Variants in TANC1 observed in about 807,000 individuals in gnomAD.
TANC1 encodes the protein tetratricopeptide repeat, ankyrin repeat and coiled-coil containing 1, also known as protein TANC1.
A neutral mutation model predicts 149.7 loss-of-function variants in TANC1; 77 were observed. The observed-to-expected ratio is 0.51, with a 90% CI of 0.43 to 0.62. The LOEUF (loss-of-function observed/expected upper bound fraction) is 0.62, where lower values mean the gene tolerates loss of function less well. Ranked by LOEUF, TANC1 falls within the 20% of genes least tolerant of loss-of-function variation. The pLI is 0.00. For synonymous variants in TANC1, 854 were observed against 925.0 expected, an observed-to-expected ratio of 0.92 and a Z score of 1.39; for missense variants, 1,985 against 2,321.8, an observed-to-expected ratio of 0.85 and a Z score of 2.98.
intron 2 of TANC1, among the ~76,000 whole-genome samples, chr2:159,045,288 C>T (rs1386638086): frequency 6.6e-6 from 1 of 152,062 alleles, no homozygotes; most frequent in Non-Finnish European, 1.5e-5. Context: ...AAAAATTACC[C>T]GGGCATGGTG....
At chr2:159,098,761 G>A (rs1004393178) in intron 4 of TANC1, among the ~76,000 whole-genome samples, 1 of 151,980 alleles carries the variant, frequency 6.6e-6, no homozygotes, top group Non-Finnish European at 1.5e-5. Context: ...AGAACTTTGA[G>A]AGGTTATGAT....
chr2:159,202,697 A>G (rs911957011), intron 19 of TANC1, among the ~76,000 whole-genome samples: 24 of 152,276 alleles, frequency 1.6e-4, no homozygotes, highest in African/African-American at 5.5e-4. Flanking sequence ...TACCACCCTC[A>G]GGATGCCAAG....
chr2:158,998,909 G>T (rs956259827), intron 1 of TANC1, among the ~76,000 whole-genome samples: 6 of 152,172 alleles, frequency 3.9e-5, no homozygotes, highest in East Asian at 1.9e-4. Context: ...TTTAGCTCAG[G>T]AAGGGGTAGG....
At position 159,081,029 on chromosome 2, in the gene TANC1, T is replaced by G. The variant is rs1366027978; in HGVS notation, c.61+15058T>G. Among the ~76,000 whole-genome samples the G allele has an allele frequency of 2.6e-5, 4 of 152,290 alleles. No homozygotes were observed. In the South Asian group the frequency reaches 8.3e-4, roughly 32 times the overall value. ...ATGGTAGGCCAGGCCCAGCAAGCCA[T>G]GTCCCACCACATCCTCCTCTCAGGA... is the stretch of plus-strand genomic sequence containing the variant. On this transcript the variant is annotated intron_variant, in intron 3 of 26. Transcript: ENST00000263635.
At chr2:159,056,170 G>A in intron 2 of TANC1, 2 of 239,666 alleles carry the variant, frequency 8.3e-6, no homozygotes, top group Admixed American at 4.1e-5. Flanking sequence ...GATCCAGGAC[G>A]TCATAGATGG....
intron 2 of TANC1, among the ~76,000 whole-genome samples, chr2:159,037,898 A>G (rs547139243): frequency 1.3e-5 from 2 of 152,202 alleles, no homozygotes; most frequent in Non-Finnish European, 1.5e-5. Flanking sequence ...GAAGAAAGTC[A>G]TTGGTAGCTT....
chr2:159,109,488 T>C (rs1205464984), intron 4 of TANC1, among the ~76,000 whole-genome samples: 3 of 152,194 alleles, frequency 2.0e-5, no homozygotes, highest in Non-Finnish European at 2.9e-5. Flanking sequence ...TTAATGCCCT[T>C]ATATAAGAAG....
At chr2:159,106,005 C>G (rs2047144035) in intron 4 of TANC1, among the ~76,000 whole-genome samples, 1 of 151,456 alleles carries the variant, frequency 6.6e-6, no homozygotes. Context: ...CGTTTTCCAT[C>G]TAATTAGGTT....
chr2:158,982,846 A>G (rs1162674529), intron 1 of TANC1, among the ~76,000 whole-genome samples: 3 of 152,134 alleles, frequency 2.0e-5, no homozygotes, highest in Non-Finnish European at 2.9e-5. Flanking sequence ...CTGGTCTCGA[A>G]TGCCTGGGCT....
intron 4 of TANC1, among the ~76,000 whole-genome samples, chr2:159,120,377 T>A (rs903197134): frequency 6.6e-6 from 1 of 152,160 alleles, no homozygotes; most frequent in Non-Finnish European, 1.5e-5. Flanking sequence ...TTTTAATTTT[T>A]TTTTAGAATC....
intron 19 of TANC1, among the ~76,000 whole-genome samples, chr2:159,212,455 G>A (rs2059052176): frequency 6.6e-6 from 1 of 152,168 alleles, no homozygotes; most frequent in Non-Finnish European, 1.5e-5. Context: ...TTGTAGGAGA[G>A]GAAGAAATCA....
intron 26 of TANC1, among the ~76,000 whole-genome samples, 159 bp downstream of exon 26, chr2:159,229,055 G>A (rs73967256): frequency 0.027 from 4,044 of 152,216 alleles, 167 homozygotes; most frequent in African/African-American, 0.087. Flanking sequence ...AAGAGGCATA[G>A]TAGTGGACAT....
At chr2:159,020,492 A>G (rs1206072366) in intron 2 of TANC1, among the ~76,000 whole-genome samples, 5 of 152,202 alleles carry the variant, frequency 3.3e-5, no homozygotes, top group Non-Finnish European at 7.3e-5. Flanking sequence ...AAATTTAAAT[A>G]TATGCTGTGT....
At chr2:159,196,816 T>C (rs1575200962) in intron 18 of TANC1, 23 bp downstream of exon 18, 1 of 1,583,148 alleles carries the variant, frequency 6.3e-7, no homozygotes, top group Non-Finnish European at 8.6e-7. Flanking sequence ...GGGGTTTCCC[T>C]CCTGGGAAAC....
At chr2:159,099,109 C>T (rs542055153) in intron 4 of TANC1, among the ~76,000 whole-genome samples, 4 of 152,246 alleles carry the variant, frequency 2.6e-5, no homozygotes, top group East Asian at 3.9e-4. Context: ...ATGTTAGAAA[C>T]GGTGCTATGA....
intron 3 of TANC1, among the ~76,000 whole-genome samples, chr2:159,089,423 C>T (rs1559237251): frequency 6.6e-6 from 1 of 152,172 alleles, no homozygotes; most frequent in East Asian, 1.9e-4. Context: ...ACCTCCACCC[C>T]TCCCTGCTCC....
chr2:159,072,190 C>T (rs546882186), intron 3 of TANC1, among the ~76,000 whole-genome samples: 34 of 152,280 alleles, frequency 2.2e-4, no homozygotes, highest in Admixed American at 2.0e-3. Context: ...CCATGTTGGC[C>T]GGGCTGGTCT....
chr2:159,097,968 ATC>A, intron 4 of TANC1, 134 bp downstream of exon 4: 4 of 751,604 alleles, frequency 5.3e-6, no homozygotes, highest in Non-Finnish European at 8.2e-6. Context: ...GAAGAAATAA[ATC>A]TTTTTTTTTT....
intron 4 of TANC1, among the ~76,000 whole-genome samples, chr2:159,113,623 G>T (rs1038481110): frequency 2.0e-5 from 3 of 152,150 alleles, no homozygotes; most frequent in Non-Finnish European, 4.4e-5. Flanking sequence ...CCTCTCTCCT[G>T]TATCATCCTC....
Sources: gnomAD v4.1 joint callset for allele counts (sites outside exome capture counted in the v4.1 genomes callset) on GRCh38, gnomAD v4.1.1 for gene constraint, MANE v1.5 for transcripts, NCBI Gene and HGNC (gene_info 2026-07-23, HGNC 2026-07-21) for gene names.